PLB1: variants seen among roughly 807,000 people sequenced by gnomAD.
The protein encoded by PLB1 is phospholipase B1.
In PLB1, 242 loss-of-function variants were observed where a neutral mutation model predicts 227.4. That is an observed-to-expected ratio of 1.06 (90% CI 0.96 to 1.18). The LOEUF is 1.18. PLB1 is among the 50% of genes most tolerant of loss of function. The probability of loss-of-function intolerance (pLI) is 0.00; values close to 1 mark genes in which losing one functional copy is unlikely to be tolerated. For synonymous variants in PLB1, 757 were observed against 682.2 expected, an observed-to-expected ratio of 1.11 and a Z score of -1.71; for missense variants, 1,858 against 1,816.3, an observed-to-expected ratio of 1.02 and a Z score of -0.42.
intron 14 of PLB1, chr2:28,548,459 C>T (rs1366171112): frequency 2.3e-6 from 1 of 434,084 alleles, no homozygotes. Flanking sequence ...TGACCCATTG[C>T]TAGATGTTTG....
intron 14 of PLB1, among the ~76,000 whole-genome samples, chr2:28,547,471 G>T (rs976825036): frequency 5.9e-5 from 9 of 152,202 alleles, no homozygotes; most frequent in Non-Finnish European, 1.0e-4. Flanking sequence ...TTCTCTTTCA[G>T]TCTGGCTGAA....
intron 25 of PLB1, among the ~76,000 whole-genome samples, chr2:28,583,789 C>T (rs1177563656): frequency 2.0e-5 from 3 of 151,484 alleles, no homozygotes; most frequent in African/African-American, 7.3e-5. Flanking sequence ...AGTTTTTGCT[C>T]ATTCTCTGTG....
chr2:28,566,890 G>A (rs1573015067), intron 20 of PLB1, 51 bp downstream of exon 20: 1 of 1,602,612 alleles, frequency 6.2e-7, no homozygotes, highest in Admixed American at 1.7e-5. Flanking sequence ...GCCCCTGCAC[G>A]CTTCCCGCTC....
Position 28,628,596 on chromosome 2 carries a change from A to C in PLB1, c.3694A>C (p.Ile1232Leu), listed in dbSNP as rs772645108. 103 of 1,614,010 alleles carry C rather than the reference A, an allele frequency of 6.4e-5. No homozygotes were observed. Among genetic ancestry groups the C allele is most frequent in the Admixed American group, 6.2e-4 (37 of 59,994 alleles). The change falls in exon 52 of 58, where the codon ATC (isoleucine) becomes CTC (leucine). Residue 1232 changes from isoleucine (I) to leucine (L), a missense_variant. Coordinates refer to ENST00000327757, the MANE Select transcript of PLB1 (RefSeq NM_153021.5). ...CTTGGCCACGGAATATGTTCAGCAC[A>C]TCCAACAGGCCCTGGACATCCTCTC... is the stretch of plus-strand genomic sequence containing the variant. The part of the protein sequence containing the change: ...AHLATEYVQH[I>L]QQALDILSEE...
At position 28,555,865 on chromosome 2, in the gene PLB1, T is replaced by TC. The variant is rs1675005697; in HGVS notation, c.1147+2874_1147+2875insC. Among the ~76,000 whole-genome samples, 9 of 147,706 alleles carry TC rather than the reference T, an allele frequency of 6.1e-5. No individual in the cohort carries two copies. In the East Asian group the frequency reaches 1.8e-3, roughly 29 times the overall value. ...ATTTTGCCTTCAAAGTTACTTTCCT[T>TC]TTTTTTTTTTTTTTTTCTTTTTTGA... On this transcript the variant is annotated intron_variant, in intron 17 of 57. Transcript: ENST00000327757.
chr2:28,527,684 G>A (rs1303205053), intron 6 of PLB1, among the ~76,000 whole-genome samples: 2 of 152,224 alleles, frequency 1.3e-5, no homozygotes, highest in African/African-American at 4.8e-5. Context: ...CCCACAGGCT[G>A]TGCCCTTTGT....
chr2:28,499,437 A>G (rs1180842826), intron 1 of PLB1, among the ~76,000 whole-genome samples: 1 of 152,050 alleles, frequency 6.6e-6, no homozygotes, highest in Admixed American at 6.6e-5. Flanking sequence ...TCCTGCCAAT[A>G]ATGACGGTGT....
At chr2:28,534,241 G>A (rs1381693539) in intron 9 of PLB1, among the ~76,000 whole-genome samples, 3 of 152,098 alleles carry the variant, frequency 2.0e-5, no homozygotes, top group Non-Finnish European at 4.4e-5. Flanking sequence ...TGATGGCCAT[G>A]TAGGTATTTC....
At chr2:28,532,031 G>A (rs1671080804) in intron 8 of PLB1, 77 bp from the exon 9 acceptor site, 1 of 1,135,136 alleles carries the variant, frequency 8.8e-7, no homozygotes, top group East Asian at 2.5e-5. Flanking sequence ...GAAATGGAAA[G>A]ACATGAAAAC....
intron 13 of PLB1, among the ~76,000 whole-genome samples, chr2:28,542,110 G>A (rs1422459825): frequency 1.1e-4 from 16 of 149,432 alleles, no homozygotes; most frequent in Admixed American, 9.4e-4. Flanking sequence ...TCCAGCCTGG[G>A]CAGTAGAACG....
chr2:28,533,023 C>T (rs1222769825), intron 9 of PLB1, among the ~76,000 whole-genome samples: 1 of 152,176 alleles, frequency 6.6e-6, no homozygotes, highest in African/African-American at 2.4e-5. Flanking sequence ...CTGGCTGCTG[C>T]CACACTGTCC....
In PLB1 at chr2:28,628,614, A is replaced by T. The variant is rs760772166; in HGVS notation, c.3712A>T (p.Ile1238Phe). 1 of 1,614,112 alleles carries T rather than the reference A, an allele frequency of 6.2e-7. No individual in the cohort carries two copies. Among genetic ancestry groups the T allele is most frequent in the Non-Finnish European group, 8.5e-7 (1 of 1,180,014 alleles). The change falls in exon 52 of 58, where the codon ATC becomes TTC. Residue 1238 changes from isoleucine to phenylalanine, a missense_variant. Ile to Phe is a conservative substitution (Grantham distance 21). Coordinates refer to ENST00000327757, the MANE Select transcript of PLB1 (RefSeq NM_153021.5). Reference sequence around the variant, plus strand: ...TCAGCACATCCAACAGGCCCTGGACATCCTCTCTGAGGAGGTAGGAGAGGG... The same window carrying T: ...TCAGCACATCCAACAGGCCCTGGACTTCCTCTCTGAGGAGGTAGGAGAGGG... ...YVQHIQQALD[I>F]LSEELPRAFV...
At chr2:28,514,841 T>A (rs756123168) in intron 1 of PLB1, among the ~76,000 whole-genome samples, 2 of 152,176 alleles carry the variant, frequency 1.3e-5, no homozygotes, top group Non-Finnish European at 2.9e-5. Flanking sequence ...TTTCTATTTT[T>A]ATTTTATTTT....
At chr2:28,517,936 A>T (rs753398576) in intron 2 of PLB1, among the ~76,000 whole-genome samples, 106 of 147,770 alleles carry the variant, frequency 7.2e-4, no homozygotes, top group Non-Finnish European at 1.4e-3. Flanking sequence ...GGGCAGTGGC[A>T]TGATCTCAGC....
Position 28,573,152 on chromosome 2 carries a change from T to G in PLB1, c.1325-45T>G. Reference sequence around the variant, plus strand: ...GTGCTTATCAAAGGAATTTGAAGATTGCTTTGCAGTAGTCACTAAGCGTGT... The same window carrying G: ...GTGCTTATCAAAGGAATTTGAAGATGGCTTTGCAGTAGTCACTAAGCGTGT... On this transcript the variant is annotated intron_variant, in intron 20 of 57. Coordinates refer to ENST00000327757, the MANE Select transcript of PLB1 (RefSeq NM_153021.5). 4 of 1,471,554 alleles carry G rather than the reference T, an allele frequency of 2.7e-6. No homozygotes were observed. The East Asian group carries it at 6.8e-5, about 25-fold the overall frequency. The allele number at this position is 1,471,554 out of a possible 1,614,324, so 91.2% of individuals were successfully genotyped here.
chr2:28,608,242 A>G (rs1158094795), intron 43 of PLB1, among the ~76,000 whole-genome samples: 2 of 152,198 alleles, frequency 1.3e-5, no homozygotes, highest in East Asian at 3.8e-4. Context: ...GGCCAGCCCA[A>G]CTTCACTGTG....
intron 1 of PLB1, among the ~76,000 whole-genome samples, chr2:28,511,509 A>C (rs1339034935): frequency 6.6e-6 from 1 of 152,146 alleles, no homozygotes; most frequent in Non-Finnish European, 1.5e-5. Flanking sequence ...AACTGGGATC[A>C]TTTTCCTTTT....
intron 18 of PLB1, among the ~76,000 whole-genome samples, chr2:28,564,094 A>G (rs1338128559): frequency 6.6e-6 from 1 of 152,148 alleles, no homozygotes; most frequent in Non-Finnish European, 1.5e-5. Context: ...AAAAGAAAAA[A>G]AATTAAGCAT....
intron 21 of PLB1, among the ~76,000 whole-genome samples, chr2:28,574,469 A>G (rs1573076859): frequency 7.8e-6 from 1 of 128,438 alleles, no homozygotes; most frequent in East Asian, 2.2e-4. Context: ...TGCAACCTCC[A>G]CCTCCCAGGT....
Sources: allele counts gnomAD v4.1 joint callset (sites outside exome capture counted in the v4.1 genomes callset), GRCh38; gene constraint gnomAD v4.1.1; transcripts MANE v1.5; gene names NCBI Gene and HGNC (gene_info 2026-07-23, HGNC 2026-07-21).